The following ZEB1 variants were observed in gnomAD, a reference collection of about 807,000 sequenced individuals.
The protein encoded by ZEB1 is zinc finger E-box binding homeobox 1, also known as zinc finger E-box-binding homeobox 1.
Under a neutral mutation model 84.9 loss-of-function variants are expected in ZEB1, and 21 were observed. The ratio of observed to expected loss-of-function variants is 0.25; its 90% confidence interval spans 0.18 to 0.36. ZEB1 has a LOEUF of 0.36. Ranked by LOEUF, ZEB1 falls within the 10% of genes least tolerant of loss-of-function variation. ZEB1 has a pLI of 1.00. For synonymous variants in ZEB1, 420 were observed against 471.1 expected (o/e 0.89, Z 1.41); for missense variants, 1,104 against 1,330.2 (o/e 0.83, Z 2.65).
In ZEB1 at chr10:31,322,447, C is replaced by A. The variant is rs140318615; in HGVS notation, c.58+3155C>A. 2.2e-3 allele frequency among the ~76,000 whole-genome samples: 336 copies of A among 152,204 alleles called. 1 individual carries two copies. The highest frequency in any genetic ancestry group is 7.9e-3 in the African/African-American group (327 of 41,540). ...GTTTTATTCATTTTGAAATAAGATA[C>A]GTGGATTTTGCTGCTAAGCCTTCTG... On this transcript the variant is annotated intron_variant, in intron 1 of 8. Transcript: ENST00000424869.
At chr10:31,356,352 G>GTATATATATA (rs3057777) in intron 1 of ZEB1, among the ~76,000 whole-genome samples, 8 of 146,974 alleles carry the variant, frequency 5.4e-5, no homozygotes, top group African/African-American at 1.7e-4. Context: ...TATATGATGT[G>GTATATATATA]TATATATATA....
chr10:31,486,339 G>T (rs757493838), intron 2 of ZEB1, among the ~76,000 whole-genome samples: 1 of 151,704 alleles, frequency 6.6e-6, no homozygotes, highest in Non-Finnish European at 1.5e-5. Flanking sequence ...CATCCCACCA[G>T]TAATAAATAA....
chr10:31,502,787 A>C (rs2068346676), intron 4 of ZEB1, among the ~76,000 whole-genome samples: 2 of 152,212 alleles, frequency 1.3e-5, no homozygotes, highest in Non-Finnish European at 2.9e-5. Context: ...ACATGGTAGC[A>C]GGCAGTAGAA....
At chr10:31,468,591 A>G (rs1231379963) in intron 2 of ZEB1, among the ~76,000 whole-genome samples, 1 of 152,206 alleles carries the variant, frequency 6.6e-6, no homozygotes, top group Non-Finnish European at 1.5e-5. Context: ...GAGCCTTACC[A>G]CATATACAGC....
At chr10:31,468,997 C>T (rs2062803796) in intron 2 of ZEB1, among the ~76,000 whole-genome samples, 1 of 151,970 alleles carries the variant, frequency 6.6e-6, no homozygotes, top group Non-Finnish European at 1.5e-5. Flanking sequence ...TAGTGAGATA[C>T]AAGAGAAAGT....
At chr10:31,458,336 T>TTG (rs770656843) in intron 1 of ZEB1, among the ~76,000 whole-genome samples, 8,248 of 102,224 alleles carry the variant, frequency 0.081, 244 homozygotes, top group African/African-American at 0.21. Flanking sequence ...TGTGTGTGTG[T>TTG]TGTGTGTGTG....
At chr10:31,503,538 A>G (rs112499256) in intron 4 of ZEB1, among the ~76,000 whole-genome samples, 21 of 152,020 alleles carry the variant, frequency 1.4e-4, no homozygotes, top group African/African-American at 4.8e-4. Context: ...AAGCATGAAG[A>G]TCCAGGCATC....
At chr10:31,434,665 A>G (rs1178628389) in intron 1 of ZEB1, among the ~76,000 whole-genome samples, 1 of 152,170 alleles carries the variant, frequency 6.6e-6, no homozygotes, top group Non-Finnish European at 1.5e-5. Flanking sequence ...CTGACACATG[A>G]TCAGAACACT....
At chr10:31,319,453 T>C in intron 1 of ZEB1, 161 bp downstream of exon 1, 1 of 672,744 alleles carries the variant, frequency 1.5e-6, no homozygotes, top group Middle Eastern at 4.1e-4. Context: ...CCCCCTCCGC[T>C]GCCGCCGCTG....
At chr10:31,375,872 C>G (rs2046531284) in intron 1 of ZEB1, among the ~76,000 whole-genome samples, 1 of 151,660 alleles carries the variant, frequency 6.6e-6, no homozygotes, top group Non-Finnish European at 1.5e-5. Context: ...GGGTGCCTTT[C>G]TACATCCATT....
intron 1 of ZEB1, among the ~76,000 whole-genome samples, chr10:31,454,835 G>A (rs1427442936): frequency 6.6e-6 from 1 of 152,166 alleles, no homozygotes; most frequent in Non-Finnish European, 1.5e-5. Flanking sequence ...TGGCCATACT[G>A]CCGAAAGTAA....
intron 1 of ZEB1, among the ~76,000 whole-genome samples, chr10:31,331,455 A>G (rs2036773543): frequency 1.3e-5 from 2 of 152,230 alleles, no homozygotes; most frequent in African/African-American, 2.4e-5. Context: ...AATTCCATTT[A>G]TCTGGGCCTA....
chr10:31,482,327 G>T (rs1217693422), intron 2 of ZEB1, among the ~76,000 whole-genome samples: 1 of 152,016 alleles, frequency 6.6e-6, no homozygotes, highest in Non-Finnish European at 1.5e-5. Context: ...CGCTTCAAAA[G>T]TGTCAATGTC....
chr10:31,347,449 G>A (rs1040649402), intron 1 of ZEB1, among the ~76,000 whole-genome samples: 1 of 152,134 alleles, frequency 6.6e-6, no homozygotes, highest in Non-Finnish European at 1.5e-5. Context: ...GGGTTCAAGT[G>A]ATCCTCCTGT....
chr10:31,407,797 G>A (rs1157891171), intron 1 of ZEB1, among the ~76,000 whole-genome samples: 6 of 150,760 alleles, frequency 4.0e-5, no homozygotes, highest in African/African-American at 1.5e-4. Flanking sequence ...ATACTGAATG[G>A]GCAAAAACTG....
At chr10:31,386,545 A>G (rs1317160526) in intron 1 of ZEB1, among the ~76,000 whole-genome samples, 1 of 152,098 alleles carries the variant, frequency 6.6e-6, no homozygotes, top group Non-Finnish European at 1.5e-5. Context: ...TTAAGGTACT[A>G]CAGATAATCA....
At chr10:31,399,564 A>G (rs2051512327) in intron 1 of ZEB1, among the ~76,000 whole-genome samples, 1 of 152,090 alleles carries the variant, frequency 6.6e-6, no homozygotes, top group Non-Finnish European at 1.5e-5. Context: ...CCCTGATCCA[A>G]ATCACCTTCA....
chr10:31,449,002 C>T (rs1214334102), intron 1 of ZEB1, among the ~76,000 whole-genome samples: 2 of 152,256 alleles, frequency 1.3e-5, no homozygotes, highest in Non-Finnish European at 2.9e-5. Flanking sequence ...GCGGGCGCCC[C>T]TCCCCCAGCC....
At chr10:31,446,404 C>CT (rs2059785886) in intron 1 of ZEB1, among the ~76,000 whole-genome samples, 1 of 151,680 alleles carries the variant, frequency 6.6e-6, no homozygotes, top group African/African-American at 2.4e-5. Context: ...TTTTGTCTCT[C>CT]TATTTCCTTC....
Sources: gnomAD v4.1 joint callset for allele counts (sites outside exome capture counted in the v4.1 genomes callset) on GRCh38, gnomAD v4.1.1 for gene constraint, MANE v1.5 for transcripts, NCBI Gene and HGNC (gene_info 2026-07-23, HGNC 2026-07-21) for gene names.